The following KALRN variants were observed in gnomAD, a reference collection of about 807,000 sequenced individuals.
The protein encoded by KALRN is kalirin.
A neutral mutation model predicts 353.7 loss-of-function variants in KALRN; 70 were observed. The ratio of observed to expected loss-of-function variants is 0.20; its 90% CI spans 0.16 to 0.24. KALRN has a LOEUF of 0.24. Among genes scored for constraint, KALRN ranks in the 10% least tolerant of loss-of-function variants. The pLI, the probability that KALRN is intolerant of heterozygous loss-of-function variation, is 1.00. For missense variants in KALRN, 2,791 were observed against 3,756.7 expected (o/e 0.74, Z 6.72); for synonymous variants, 1,391 against 1,434.8 (o/e 0.97, Z 0.69).
chr3:124,554,531 A>G (rs2070964927), intron 33 of KALRN, among the ~76,000 whole-genome samples: 1 of 152,042 alleles, frequency 6.6e-6, no homozygotes, highest in Non-Finnish European at 1.5e-5. Flanking sequence ...TTTTCCCTTT[A>G]TGTAACAGCT....
intron 5 of KALRN, among the ~76,000 whole-genome samples, chr3:124,291,397 G>A (rs1457687523): frequency 6.6e-6 from 1 of 152,038 alleles, no homozygotes; most frequent in African/African-American, 2.4e-5. Flanking sequence ...TTTACCATAA[G>A]AAACATGATT....
chr3:124,408,660 G>T (rs769465202), intron 13 of KALRN, among the ~76,000 whole-genome samples: 57 of 152,124 alleles, frequency 3.7e-4, no homozygotes, highest in Non-Finnish European at 7.1e-4. Flanking sequence ...TATACAGTGA[G>T]ATTTCCAATG....
chr3:124,227,935 G>T, intron 1 of KALRN, 55 bp from the exon 2 acceptor site: 2 of 1,420,564 alleles, frequency 1.4e-6, no homozygotes, highest in East Asian at 2.3e-5. Context: ...GGGACCTTGC[G>T]ATTCAGCCAG....
rs75128400 is a variant in KALRN, at chr3:124,117,705, G to T, written c.73+83892G>T. Among the ~76,000 whole-genome samples the T allele has an allele frequency of 2.1e-4, 32 of 152,260 alleles. No homozygotes were observed. In the East Asian group the frequency reaches 5.8e-3, roughly 28 times the overall value. ...ACTTGGTGAGAGATATTCTGGGATG[G>T]CTTCCTGGAGGAGAGAATTACTTAA... On this transcript the variant is annotated intron_variant, in intron 1 of 59. Transcript: ENST00000682506.
At chr3:124,567,958 G>C (rs891800998) in intron 34 of KALRN, among the ~76,000 whole-genome samples, 3 of 151,986 alleles carry the variant, frequency 2.0e-5, no homozygotes, top group Non-Finnish European at 2.9e-5. Context: ...CTGGGCAAAA[G>C]AGTGAGACTC....
intron 1 of KALRN, among the ~76,000 whole-genome samples, chr3:124,110,468 C>CAT (rs2062846926): frequency 1.3e-5 from 1 of 75,468 alleles, no homozygotes. Flanking sequence ...TACACACGCG[C>CAT]GCACACACAC....
intron 33 of KALRN, chr3:124,518,652 G>A (rs536092735): frequency 1.8e-5 from 26 of 1,450,392 alleles, no homozygotes; most frequent in South Asian, 5.8e-5. Flanking sequence ...GCTCACCCTC[G>A]GGGCTCCCTT....
At chr3:124,450,136 G>C (rs1296315900) in intron 21 of KALRN, among the ~76,000 whole-genome samples, 2 of 152,162 alleles carry the variant, frequency 1.3e-5, no homozygotes, top group African/African-American at 4.8e-5. Flanking sequence ...GTTTTTCAAA[G>C]TAGGTATACC....
intron 33 of KALRN, among the ~76,000 whole-genome samples, chr3:124,499,217 G>T (rs1247767290): frequency 6.6e-6 from 1 of 152,174 alleles, no homozygotes; most frequent in African/African-American, 2.4e-5. Context: ...GCGGCTCCAG[G>T]ATCTCCTCCA....
Position 124,398,736 on chromosome 3 carries a change from C to T in KALRN, c.2211C>T (p.Ser737=). 1 of 1,614,184 alleles carries T rather than the reference C, an allele frequency of 6.2e-7. No individual in the cohort carries two copies. The highest frequency in any genetic ancestry group is 8.5e-7 in the Non-Finnish European group (1 of 1,180,028). Residue 737 remains serine (S), a synonymous_variant, in exon 13 of 60, where the codon AGC becomes AGT. Transcript: ENST00000682506. ...CCAACAACAAAACACCCCACAGCAG[C>T]TCCATCAGCCACATCGAGTCGGTCC... ...AVSNNKTPHS[S]SISHIESVLQ...
At chr3:124,631,512 C>T (rs1273643695) in intron 34 of KALRN, among the ~76,000 whole-genome samples, 1 of 152,060 alleles carries the variant, frequency 6.6e-6, no homozygotes, top group African/African-American at 2.4e-5. Context: ...ACTCTTTTTT[C>T]ATATCCCATA....
At chr3:124,394,852 C>G (rs2089959423) in intron 11 of KALRN, among the ~76,000 whole-genome samples, 1 of 152,164 alleles carries the variant, frequency 6.6e-6, no homozygotes, top group South Asian at 2.1e-4. Context: ...GATGACTGAT[C>G]TCCTTGCTCT....
At chr3:124,497,013 G>A (rs150228843) in intron 33 of KALRN, among the ~76,000 whole-genome samples, 139 of 152,330 alleles carry the variant, frequency 9.1e-4, no homozygotes, top group African/African-American at 3.1e-3. Flanking sequence ...GAAGGGTGTA[G>A]TTGTTGTGTG....
chr3:124,380,290 T>C (rs2087166321), intron 10 of KALRN, among the ~76,000 whole-genome samples: 1 of 152,248 alleles, frequency 6.6e-6, no homozygotes, highest in African/African-American at 2.4e-5. Context: ...TAGAATGTTC[T>C]GTTTCTTCCC....
intron 33 of KALRN, 187 bp from the exon 34 acceptor site, chr3:124,562,656 C>T: frequency 2.5e-6 from 1 of 405,532 alleles, no homozygotes; most frequent in South Asian, 2.1e-5. Flanking sequence ...TTCCTGTTCT[C>T]AACTCTCCTT....
chr3:124,536,196 CTTTTT>C (rs34435871), intron 33 of KALRN, among the ~76,000 whole-genome samples: 1 of 99,122 alleles, frequency 1.0e-5, no homozygotes, highest in Non-Finnish European at 1.9e-5. Flanking sequence ...CATCCATACT[CTTTTT>C]TTTTTTTTTT....
intron 51 of KALRN, among the ~76,000 whole-genome samples, chr3:124,683,244 A>G (rs2061418434): frequency 6.6e-6 from 1 of 152,152 alleles, no homozygotes; most frequent in African/African-American, 2.4e-5. Flanking sequence ...AGGGCTGAGA[A>G]CCACATGCCC....
intron 1 of KALRN, among the ~76,000 whole-genome samples, chr3:124,208,986 TC>T (rs1460268216): frequency 2.5e-4 from 36 of 146,540 alleles, no homozygotes; most frequent in Admixed American, 2.1e-3. Context: ...ATAATAATAA[TC>T]ATCATCATCA....
intron 6 of KALRN, among the ~76,000 whole-genome samples, chr3:124,310,820 A>G (rs951172766): frequency 5.3e-5 from 8 of 152,206 alleles, no homozygotes; most frequent in Non-Finnish European, 1.2e-4. Context: ...CAAGAGATGA[A>G]AAGAAAAACC....
Sources: gnomAD v4.1 joint callset for allele counts (sites outside exome capture counted in the v4.1 genomes callset) on GRCh38, gnomAD v4.1.1 for gene constraint, MANE v1.5 for transcripts, NCBI Gene and HGNC (gene_info 2026-07-23, HGNC 2026-07-21) for gene names.